Variants in RAVER1 observed in about 807,000 individuals in gnomAD.
The protein encoded by RAVER1 is ribonucleoprotein, PTB binding 1.
In RAVER1, 36 loss-of-function variants were observed where a neutral mutation model predicts 68.4. The ratio of observed to expected loss-of-function variants is 0.53; its 90% CI spans 0.40 to 0.70. RAVER1 has a LOEUF of 0.70. Ranked by LOEUF, RAVER1 falls within the 30% of genes least tolerant of loss-of-function variation. The pLI is 0.00. For synonymous variants in RAVER1, 469 were observed against 472.7 expected, an observed-to-expected ratio of 0.99 and a Z score of 0.10; for missense variants, 933 against 1,019.8, an observed-to-expected ratio of 0.91 and a Z score of 1.16.
chr19:10,326,446 G>GT (rs1051689979), intron 3 of RAVER1, among the ~76,000 whole-genome samples: 17 of 150,930 alleles, frequency 1.1e-4, no homozygotes, highest in Non-Finnish European at 2.2e-4. Flanking sequence ...CTCAGTTTTT[G>GT]TTTTTTTTGT....
At chr19:10,330,016 G>A (rs1021406823) in intron 2 of RAVER1, among the ~76,000 whole-genome samples, 4 of 151,934 alleles carry the variant, frequency 2.6e-5, no homozygotes, top group African/African-American at 7.3e-5. Context: ...CCAGCTACTC[G>A]GGAGGCTGAA....
In RAVER1 at chr19:10,323,791, G is replaced by A. The variant is rs1264639454; in HGVS notation, c.757-225C>T. On this transcript the variant is annotated intron_variant, in intron 3 of 12. Transcript: ENST00000617231. This position sits in a 1 kb window ranked among gnomAD's most constrained non-coding sequence, Gnocchi z 6.2. ...AGAGAAGGCAACTGAGGCACGGAGA[G>A]GTCAGCGCACCCAAGGCCACACAGC... Among the ~76,000 whole-genome samples the A allele has an allele frequency of 2.6e-5, 4 of 152,174 alleles. No individual in the cohort carries two copies. The highest frequency in any genetic ancestry group is 5.9e-5 in the Non-Finnish European group (4 of 68,018).
chr19:10,323,535 C>G lies in RAVER1; in HGVS notation c.788G>C (p.Gly263Ala). Residue 263 changes from glycine (G) to alanine (A), a missense_variant, in exon 4 of 13, where the codon GGC (glycine) becomes GCC (alanine). Gly to Ala is a moderately conservative substitution (Grantham distance 60). Around this residue, in one of 3 missense-constraint regions of RAVER1, gnomAD observed 699 missense variants for 731.1 expected, o/e 0.96. Coordinates refer to ENST00000617231, the MANE Select transcript of RAVER1 (RefSeq NM_133452.3). This position sits in a 1 kb window ranked among gnomAD's most constrained non-coding sequence, Gnocchi z 6.2. Reference protein sequence around the residue: ...LACGQDGQLKGFAVLEYETAE... With the variant: ...LACGQDGQLKAFAVLEYETAE... ...CGTCTCATACTCCAGCACCGCGAAGCCCTTCAGCTGCCCATCCTGGCCGCA... is the reference window on the plus strand; with the variant it reads ...CGTCTCATACTCCAGCACCGCGAAGGCCTTCAGCTGCCCATCCTGGCCGCA... 1 of 1,600,880 alleles carries G rather than the reference C, an allele frequency of 6.2e-7. No homozygotes were observed. Among genetic ancestry groups the G allele is most frequent in the Non-Finnish European group, 8.5e-7 (1 of 1,175,530 alleles).
At position 10,321,525 on chromosome 19, in the gene RAVER1, C is replaced by A. The variant is rs764914080; in HGVS notation, c.1261+6G>T. ...GGGGACACCGTGTGGGCAGGGTCTG[C>A]GTTACCTGCAGGCAGCTCCCCGAGG... On this transcript the variant is annotated splice_donor_region_variant and intron_variant, in intron 7 of 12. Transcript: ENST00000617231. 7.4e-7 allele frequency: 1 copy of A among 1,355,682 alleles called. No homozygotes were observed. Among genetic ancestry groups the A allele is most frequent in the Non-Finnish European group, 9.6e-7 (1 of 1,045,450 alleles). The allele number at this position is 1,355,682 out of a possible 1,614,324, so 84.0% of individuals were successfully genotyped here.
Position 10,317,875 on chromosome 19 carries a change from C to T in RAVER1, c.1990-102G>A. 1.4e-6 allele frequency: 1 copy of T among 729,420 alleles called. No individual in the cohort carries two copies. Among genetic ancestry groups the T allele is most frequent in the South Asian group, 1.5e-5 (1 of 64,702 alleles). The allele number at this position is 729,420 out of a possible 1,614,324, so 45.2% of individuals were successfully genotyped here. A position where few individuals can be genotyped will look rare whatever the true frequency, so the allele number is the denominator to read the frequency against. On this transcript the variant is annotated intron_variant, in intron 11 of 12. Transcript: ENST00000617231. This position sits in a 1 kb window ranked among gnomAD's most constrained non-coding sequence, Gnocchi z 4.3. Reference sequence around the variant, plus strand: ...CCCCCCAGCCCTGAGGGAAAGCGAACAGTTTCAGGTTCAAATCTTGCTTCT... The same window carrying T: ...CCCCCCAGCCCTGAGGGAAAGCGAATAGTTTCAGGTTCAAATCTTGCTTCT...
chr19:10,319,339 C>T, intron 9 of RAVER1, 99 bp from the exon 10 acceptor site: 1 of 1,242,512 alleles, frequency 8.0e-7, no homozygotes, highest in South Asian at 1.3e-5. Context: ...AGACAGTCCC[C>T]ACCACTCTGG....
At position 10,322,682 on chromosome 19, in the gene RAVER1, G is replaced by A. The variant is rs781170159; in HGVS notation, c.1136C>T (p.Ala379Val). 2.1e-5 allele frequency: 33 copies of A among 1,543,324 alleles called. No individual in the cohort carries two copies. In the African/African-American group the frequency reaches 2.7e-4, roughly 13 times the overall value. ...GGTCTGCAGGGCGAGCTGCAACAGC[G>A]CCGTGGACAGGGCTGGCCCATTGAG... ...PLLNGPALST[A>V]LLQLALQTQG... Residue 379 changes from alanine (A) to valine (V), a missense_variant, in exon 6 of 13, where the codon GCG (alanine) becomes GTG (valine). Coordinates refer to ENST00000617231, the MANE Select transcript of RAVER1 (RefSeq NM_133452.3). This position sits in a 1 kb window ranked among gnomAD's most constrained non-coding sequence, Gnocchi z 4.3.
At position 10,316,358 on chromosome 19, in the gene RAVER1, G is replaced by T. The variant is rs1211950652; in HGVS notation, c.*1096C>A. On this transcript the variant is annotated 3_prime_UTR_variant, in exon 13 of 13. Transcript: ENST00000617231. ...AAGCTGGTGGCCCAGTTGGCTGGGG[G>T]CAAGGCCCAGGGTCACCTCAGGTCG... The T allele has an allele frequency of 2.7e-6, 3 of 1,112,370 alleles. No individual in the cohort carries two copies. Among genetic ancestry groups the T allele is most frequent in the East Asian group, 1.6e-4 (2 of 12,296 alleles). 68.9% of individuals were successfully genotyped at this position (1,112,370 alleles called of 1,614,324 possible).
rs1400046238 is a variant in RAVER1, at chr19:10,329,621, C to T, written c.287-510G>A. On this transcript the variant is annotated intron_variant, in intron 2 of 12. Transcript: ENST00000617231. The surrounding 1 kb of genome is among the most constrained non-coding windows in gnomAD (Gnocchi z 4.6). ...CCCAGGCAGCCGGACTCCAGAGGCC[C>T]ACTCTACACACTGCCCACCCCTGCC... Among the ~76,000 whole-genome samples, 2 of 151,708 alleles carry T rather than the reference C, an allele frequency of 1.3e-5. No individual in the cohort carries two copies. The highest frequency in any genetic ancestry group is 2.4e-5 in the African/African-American group (1 of 41,374).
rs551338405 is a variant in RAVER1, at chr19:10,322,850, C to T, written c.1079-111G>A. On this transcript the variant is annotated intron_variant, in intron 5 of 12. Transcript: ENST00000617231. The surrounding 1 kb of genome is among the most constrained non-coding windows in gnomAD (Gnocchi z 4.3). The stretch of plus-strand genomic sequence containing the variant: ...GGGCAGGAAACTGACACTCTGGGGC[C>T]GGGGGGTGGGCAGTGGACTTGCCCA... The T allele has an allele frequency of 4.5e-4, 271 of 603,416 alleles. 1 individual carries two copies. The South Asian group carries it at 5.0e-3, about 11-fold the overall frequency. 37.4% of individuals were successfully genotyped at this position (603,416 alleles called of 1,614,324 possible).
At position 10,329,077 on chromosome 19, in the gene RAVER1, C is replaced by T; in HGVS notation, c.321G>A (p.Glu107=). The T allele has an allele frequency of 6.7e-7, 1 of 1,502,396 alleles. No individual in the cohort carries two copies. The allele number at this position is 1,502,396 out of a possible 1,614,324, so 93.1% of individuals were successfully genotyped here. ...TCTGGTGGAAAGCATTGATTGCGGCCTCGGCCTGCTCCCCATTCAGCAGGG... is the reference window on the plus strand; with the variant it reads ...TCTGGTGGAAAGCATTGATTGCGGCTTCGGCCTGCTCCCCATTCAGCAGGG... The part of the protein sequence containing the change: ...FVTLLNGEQA[E]AAINAFHQSR... The change falls in exon 3 of 13, where the codon GAG becomes GAA. Residue 107 remains glutamate (E), a synonymous_variant. Coordinates refer to ENST00000617231, the MANE Select transcript of RAVER1 (RefSeq NM_133452.3). This position sits in a 1 kb window ranked among gnomAD's most constrained non-coding sequence, Gnocchi z 4.6.
At position 10,328,959 on chromosome 19, in the gene RAVER1, G is replaced by T; in HGVS notation, c.439C>A (p.Gln147Lys). The change falls in exon 3 of 13, where the codon CAG becomes AAG. Residue 147 changes from glutamine (Q) to lysine (K), a missense_variant. Physicochemically the swap from Gln to Lys is moderately conservative, Grantham distance 53. Coordinates refer to ENST00000617231, the MANE Select transcript of RAVER1 (RefSeq NM_133452.3). The surrounding 1 kb of genome is among the most constrained non-coding windows in gnomAD (Gnocchi z 4.4). ...ANLPPSLTQQ[Q>K]FEELVRPFGS... ...AAGGGCCGCACCAGCTCCTCGAACTGCTGCTGTGTGAGGCTGGGGGGCAGG... is the reference window on the plus strand; with the variant it reads ...AAGGGCCGCACCAGCTCCTCGAACTTCTGCTGTGTGAGGCTGGGGGGCAGG... The T allele has an allele frequency of 6.2e-7, 1 of 1,603,958 alleles. No individual in the cohort carries two copies.
chr19:10,320,223 G>A (rs1032719201), intron 9 of RAVER1, among the ~76,000 whole-genome samples: 1 of 152,242 alleles, frequency 6.6e-6, no homozygotes, highest in East Asian at 1.9e-4. Flanking sequence ...AGGGCATGAG[G>A]CTGGGCGCGG....
intron 1 of RAVER1, among the ~76,000 whole-genome samples, chr19:10,332,044 G>C (rs1355674973): frequency 6.6e-6 from 1 of 152,104 alleles, no homozygotes; most frequent in African/African-American, 2.4e-5. Flanking sequence ...ACCTAGGCTA[G>C]AGTGTAGTAG....
At chr19:10,321,506 A>AC in intron 7 of RAVER1, 25 bp downstream of exon 7, 4 of 1,341,544 alleles carry the variant, frequency 3.0e-6, no homozygotes, top group Non-Finnish European at 2.9e-6. Context: ...GCTGGGGGAC[A>AC]CCGTGTGGGC....
chr19:10,316,750 C>G lies in RAVER1; in HGVS notation c.*704G>C. ...GCTGTTTGGTCCATAGTCAAGCTCCCAGAGCTTGGCATCTGTGGCTCTGGC... is the reference window on the plus strand; with the variant it reads ...GCTGTTTGGTCCATAGTCAAGCTCCGAGAGCTTGGCATCTGTGGCTCTGGC... On this transcript the variant is annotated 3_prime_UTR_variant, in exon 13 of 13. Transcript: ENST00000617231. 5.8e-6 allele frequency: 1 copy of G among 172,034 alleles called. No homozygotes were observed. Among genetic ancestry groups the G allele is most frequent in the Non-Finnish European group, 1.2e-5 (1 of 85,674 alleles). The allele number at this position is 172,034 out of a possible 1,614,324, so 10.7% of individuals were successfully genotyped here. A position where few individuals can be genotyped will look rare whatever the true frequency, so the allele number is the denominator to read the frequency against.
rs1054054494 is a variant in RAVER1 at position 10,329,980 on chromosome 19, G to A, written c.286+480C>T. Among the ~76,000 whole-genome samples, 1 of 151,970 alleles carries A rather than the reference G, an allele frequency of 6.6e-6. No homozygotes were observed. The highest frequency in any genetic ancestry group is 2.4e-5 in the African/African-American group (1 of 41,378). ...TCTACTAAAAATACAAAAATTAGCCGGGCATGGTGGCACATGCCTGTAATC... is the reference window on the plus strand; with the variant it reads ...TCTACTAAAAATACAAAAATTAGCCAGGCATGGTGGCACATGCCTGTAATC... On this transcript the variant is annotated intron_variant, in intron 2 of 12. Coordinates refer to ENST00000617231, the MANE Select transcript of RAVER1 (RefSeq NM_133452.3). The surrounding 1 kb of genome is among the most constrained non-coding windows in gnomAD (Gnocchi z 4.6).
chr19:10,323,712 C>T lies in RAVER1; in HGVS notation c.757-146G>A. The stretch of plus-strand genomic sequence containing the variant: ...ACTGCCCTGTGCCTCATTCCTGCAT[C>T]AGCTCATCTGATTTTCCCAATGACC... On this transcript the variant is annotated intron_variant, in intron 3 of 12. Coordinates refer to ENST00000617231, the MANE Select transcript of RAVER1 (RefSeq NM_133452.3). This position sits in a 1 kb window ranked among gnomAD's most constrained non-coding sequence, Gnocchi z 6.2. The T allele has an allele frequency of 1.2e-6, 1 of 816,682 alleles. No individual in the cohort carries two copies. Among genetic ancestry groups the T allele is most frequent in the Non-Finnish European group, 1.9e-6 (1 of 536,546 alleles). The allele number at this position is 816,682 out of a possible 1,614,324, so 50.6% of individuals were successfully genotyped here.
At chr19:10,331,356 CAAAAAAAAA>C (rs58419369) in intron 1 of RAVER1, among the ~76,000 whole-genome samples, 1 of 29,172 alleles carries the variant, frequency 3.4e-5, no homozygotes, top group Non-Finnish European at 5.5e-5. Flanking sequence ...GACTCCGTCT[CAAAAAAAAA>C]AAAAAAAAAA....
Sources: allele counts gnomAD v4.1 joint callset (sites outside exome capture counted in the v4.1 genomes callset), GRCh38; gene constraint gnomAD v4.1.1; regional missense constraint gnomAD v4.1.1; non-coding constraint Gnocchi (gnomAD v3.1); transcripts MANE v1.5; gene names NCBI Gene and HGNC (gene_info 2026-07-23, HGNC 2026-07-21).